Variants in CNTNAP2 observed in about 807,000 individuals in gnomAD.
The protein encoded by CNTNAP2 is contactin associated protein 2, also known as contactin-associated protein-like 2.
A neutral mutation model predicts 155.2 loss-of-function variants in CNTNAP2; 98 were observed. That is an observed-to-expected ratio of 0.63 (90% confidence interval 0.54 to 0.75). The LOEUF (loss-of-function observed/expected upper bound fraction) is 0.75. Ranked by LOEUF, CNTNAP2 falls within the 30% of genes least tolerant of loss-of-function variation. The pLI, the probability that CNTNAP2 is intolerant of heterozygous loss-of-function variation, is 0.00. For synonymous variants in CNTNAP2, 651 were observed against 631.2 expected (o/e 1.03, Z -0.47); for missense variants, 1,727 against 1,688.1 (o/e 1.02, Z -0.40).
chr7:147,967,489 A>G (rs995705261), intron 14 of CNTNAP2, among the ~76,000 whole-genome samples: 14 of 152,202 alleles, frequency 9.2e-5, no homozygotes, highest in African/African-American at 3.4e-4. Flanking sequence ...ATCTCCCAAA[A>G]TATTACTGTT....
At chr7:148,222,334 T>TGA (rs1378753197) in intron 19 of CNTNAP2, among the ~76,000 whole-genome samples, 2 of 152,220 alleles carry the variant, frequency 1.3e-5, no homozygotes, top group African/African-American at 2.4e-5. Context: ...CCAAACCTGG[T>TGA]GAGGGCCTTA....
At chr7:147,542,579 T>G (rs923613328) in intron 11 of CNTNAP2, among the ~76,000 whole-genome samples, 1 of 152,224 alleles carries the variant, frequency 6.6e-6, no homozygotes, top group African/African-American at 2.4e-5. Flanking sequence ...CATAGTCATA[T>G]GCTTATGTTA....
At chr7:147,122,212 A>G (rs940667293) in intron 6 of CNTNAP2, 1 of 152,154 alleles carries the variant, frequency 6.6e-6, no homozygotes, top group African/African-American at 2.4e-5. Flanking sequence ...TTGTCACAGT[A>G]TTATACATCC....
chr7:146,290,795 T>G (rs1800416959), intron 1 of CNTNAP2, among the ~76,000 whole-genome samples: 1 of 152,238 alleles, frequency 6.6e-6, no homozygotes, highest in Non-Finnish European at 1.5e-5. Flanking sequence ...TTTATTTGCC[T>G]GCTTAAATTA....
At chr7:147,007,117 G>A (rs1034117115) in intron 3 of CNTNAP2, among the ~76,000 whole-genome samples, 1 of 152,060 alleles carries the variant, frequency 6.6e-6, no homozygotes, top group African/African-American at 2.4e-5. Context: ...CCCCACTCAT[G>A]GGTGTGTTTT....
At chr7:147,734,097 T>A (rs1796794772) in intron 13 of CNTNAP2, among the ~76,000 whole-genome samples, 1 of 152,224 alleles carries the variant, frequency 6.6e-6, no homozygotes, top group African/African-American at 2.4e-5. Context: ...TTGTGCCTGT[T>A]TTCGAAGGGA....
chr7:147,313,331 C>T (rs888422769), intron 9 of CNTNAP2, among the ~76,000 whole-genome samples: 2 of 150,456 alleles, frequency 1.3e-5, no homozygotes, highest in Admixed American at 6.6e-5. Flanking sequence ...ACATGAAGTC[C>T]TTGCCCATGC....
At chr7:147,549,490 A>T (rs1311394819) in intron 11 of CNTNAP2, among the ~76,000 whole-genome samples, 1 of 152,090 alleles carries the variant, frequency 6.6e-6, no homozygotes, top group Non-Finnish European at 1.5e-5. Context: ...TCAGTTCAAG[A>T]TGTTTTGGGG....
At chr7:147,970,907 T>C (rs1487158610) in intron 14 of CNTNAP2, among the ~76,000 whole-genome samples, 1 of 152,136 alleles carries the variant, frequency 6.6e-6, no homozygotes, top group African/African-American at 2.4e-5. Context: ...ATGGAGGAAA[T>C]TGGTGGGACA....
At chr7:146,563,159 A>G (rs1798305782) in intron 1 of CNTNAP2, among the ~76,000 whole-genome samples, 1 of 152,210 alleles carries the variant, frequency 6.6e-6, no homozygotes, top group Non-Finnish European at 1.5e-5. Flanking sequence ...ACCCTGGGCA[A>G]CACAGACCCT....
At chr7:146,512,470 G>A (rs564564440) in intron 1 of CNTNAP2, among the ~76,000 whole-genome samples, 8 of 147,230 alleles carry the variant, frequency 5.4e-5, no homozygotes, top group Middle Eastern at 3.2e-3. Context: ...TATCCCATAG[G>A]TTTTGGTATG....
chr7:146,364,932 T>C (rs1795134197), intron 1 of CNTNAP2, among the ~76,000 whole-genome samples: 1 of 152,016 alleles, frequency 6.6e-6, no homozygotes, highest in South Asian at 2.1e-4. Context: ...TTCTTCCCAA[T>C]GTAATCGTTT....
intron 18 of CNTNAP2, among the ~76,000 whole-genome samples, chr7:148,189,576 C>T (rs1446720568): frequency 6.6e-6 from 1 of 152,098 alleles, no homozygotes; most frequent in Non-Finnish European, 1.5e-5. Context: ...TTCTCTTTGC[C>T]CTTCTGCCAT....
At chr7:148,216,213 A>C (rs1182864426) in intron 18 of CNTNAP2, among the ~76,000 whole-genome samples, 1 of 152,228 alleles carries the variant, frequency 6.6e-6, no homozygotes, top group East Asian at 1.9e-4. Flanking sequence ...ATATCCAGTA[A>C]GCACTGCTCA....
intron 4 of CNTNAP2, among the ~76,000 whole-genome samples, chr7:147,077,380 C>G (rs938020316): frequency 2.0e-5 from 3 of 151,862 alleles, no homozygotes; most frequent in Non-Finnish European, 4.4e-5. Context: ...TTCAATTGCA[C>G]ACTTTATTTA....
At chr7:148,226,379 C>T (rs958402350) in intron 19 of CNTNAP2, among the ~76,000 whole-genome samples, 1 of 151,956 alleles carries the variant, frequency 6.6e-6, no homozygotes, top group African/African-American at 2.4e-5. Context: ...CCACCAACCA[C>T]CAAGAATGTC....
At chr7:148,203,405 A>G (rs1395752833) in intron 18 of CNTNAP2, among the ~76,000 whole-genome samples, 1 of 152,214 alleles carries the variant, frequency 6.6e-6, no homozygotes, top group Non-Finnish European at 1.5e-5. Flanking sequence ...CCAGTTTAGT[A>G]TGACAAACTC....
chr7:146,245,979 G>A (rs1472108848), intron 1 of CNTNAP2, among the ~76,000 whole-genome samples: 4 of 144,622 alleles, frequency 2.8e-5, no homozygotes, highest in African/African-American at 8.6e-5. Context: ...ATAAGGCATA[G>A]ATCCTGAACT....
At chr7:146,917,621 T>C (rs907960175) in intron 3 of CNTNAP2, among the ~76,000 whole-genome samples, 1 of 152,158 alleles carries the variant, frequency 6.6e-6, no homozygotes, top group Non-Finnish European at 1.5e-5. Context: ...TCTTGAATTG[T>C]AGCTCGCACA....
Sources: gnomAD v4.1 joint callset for allele counts (sites outside exome capture counted in the v4.1 genomes callset) on GRCh38, gnomAD v4.1.1 for gene constraint, MANE v1.5 for transcripts, NCBI Gene and HGNC (gene_info 2026-07-23, HGNC 2026-07-21) for gene names.